CD300LF: variants seen among roughly 807,000 people sequenced by gnomAD.
CD300LF encodes the protein CD300 molecule like family member f.
A neutral mutation model predicts 32.2 loss-of-function variants in CD300LF; 27 were observed. That is an observed-to-expected ratio of 0.84 (90% CI 0.62 to 1.15). The LOEUF is 1.15. Ranked by LOEUF, CD300LF falls within the 50% of genes most tolerant of loss-of-function variation. The pLI, the probability that CD300LF is intolerant of heterozygous loss-of-function variation, is 0.00. For synonymous variants in CD300LF, 139 were observed against 143.2 expected (o/e 0.97, Z 0.21); for missense variants, 348 against 356.8 (o/e 0.98, Z 0.20).
chr17:74,705,366 G>T (rs1310249155), intron 1 of CD300LF: 2 of 652,658 alleles, frequency 3.1e-6, no homozygotes, highest in South Asian at 3.2e-5. Context: ...AACGGCAACT[G>T]GTCTCCATGT....
chr17:74,698,550 C>T, intron 3 of CD300LF, 69 bp from the exon 4 acceptor site: 1 of 1,543,774 alleles, frequency 6.5e-7, no homozygotes, highest in East Asian at 2.4e-5. Flanking sequence ...ATCCCACCCA[C>T]CCAGCAGCAG....
chr17:74,694,857 A>T lies in CD300LF; in HGVS notation c.*239T>A, dbSNP rs544445034. 3.6e-5 allele frequency: 15 copies of T among 417,390 alleles called. 1 individual carries two copies. In the South Asian group the frequency reaches 1.0e-3, roughly 28 times the overall value. The allele number at this position is 417,390 out of a possible 1,614,324, so 25.9% of individuals were successfully genotyped here. On this transcript the variant is annotated 3_prime_UTR_variant, in exon 7 of 7. Coordinates refer to ENST00000326165, the MANE Select transcript of CD300LF (RefSeq NM_139018.5). ...ATCATTCCCATGAAAGCCCCAGAGCATATCCCTAGCCCCCTCCTCAACTAT... is the reference window on the plus strand; with the variant it reads ...ATCATTCCCATGAAAGCCCCAGAGCTTATCCCTAGCCCCCTCCTCAACTAT...
At chr17:74,708,903 A>G (rs201403537) in intron 1 of CD300LF, among the ~76,000 whole-genome samples, 6 of 150,798 alleles carry the variant, frequency 4.0e-5, no homozygotes, top group East Asian at 1.9e-4. Context: ...GCGACAGAGC[A>G]AGACTCCGTC....
intron 3 of CD300LF, among the ~76,000 whole-genome samples, chr17:74,699,547 G>A (rs886461437): frequency 3.3e-5 from 5 of 152,094 alleles, no homozygotes; most frequent in South Asian, 2.1e-4. Flanking sequence ...GACAGAGACA[G>A]GGATCAGAGT....
At chr17:74,695,962 G>T in intron 5 of CD300LF, 103 bp from the exon 6 acceptor site, 1 of 1,395,744 alleles carries the variant, frequency 7.2e-7, no homozygotes, top group Non-Finnish European at 9.8e-7. Flanking sequence ...TTCCCCAGGT[G>T]CCCCTCTCCC....
At chr17:74,703,138 T>C in intron 2 of CD300LF, 40 bp from the exon 3 acceptor site, 1 of 1,612,562 alleles carries the variant, frequency 6.2e-7, no homozygotes, top group Non-Finnish European at 8.5e-7. Flanking sequence ...GGGGCAGGAG[T>C]CGACGCTGTA....
intron 4 of CD300LF, among the ~76,000 whole-genome samples, chr17:74,697,456 C>T (rs2032604635): frequency 6.6e-6 from 1 of 152,116 alleles, no homozygotes; most frequent in South Asian, 2.1e-4. Context: ...GGAGAAAAAG[C>T]GATGAATAAA....
At position 74,695,982 on chromosome 17, in the gene CD300LF, C is replaced by T. The variant is rs1327444425; in HGVS notation, c.583-123G>A. 1.1e-5 allele frequency: 15 copies of T among 1,314,294 alleles called. No homozygotes were observed. In the East Asian group the frequency reaches 2.6e-4, roughly 23 times the overall value. The allele number at this position is 1,314,294 out of a possible 1,614,324, so 81.4% of individuals were successfully genotyped here. ...CAGGTGCCCCTCTCCCATTTCCCTC[C>T]GTGTCCTCCACTTCTCAGGCTCCTG... is the stretch of plus-strand genomic sequence containing the variant. On this transcript the variant is annotated intron_variant, in intron 5 of 6. Coordinates refer to ENST00000326165, the MANE Select transcript of CD300LF (RefSeq NM_139018.5).
intron 3 of CD300LF, among the ~76,000 whole-genome samples, chr17:74,699,687 T>C (rs1329620275): frequency 6.6e-6 from 1 of 152,110 alleles, no homozygotes; most frequent in Admixed American, 6.6e-5. Context: ...TGATTTCCAA[T>C]TCCTGGCCTC....
chr17:74,703,122 G>A lies in CD300LF; in HGVS notation c.383-24C>T, dbSNP rs201147159. Reference sequence around the variant, plus strand: ...TGCTGTAAACGTAGTGGAGGTAGGCGTGGTGGGGGCAGGAGTCGACGCTGT... The same window carrying A: ...TGCTGTAAACGTAGTGGAGGTAGGCATGGTGGGGGCAGGAGTCGACGCTGT... On this transcript the variant is annotated intron_variant, in intron 2 of 6. Transcript: ENST00000326165. 81 of 1,613,784 alleles carry A rather than the reference G, an allele frequency of 5.0e-5. No individual in the cohort carries two copies. The East Asian group carries it at 1.3e-3, about 27-fold the overall frequency.
chr17:74,702,755 C>A (rs1430643007), intron 3 of CD300LF, among the ~76,000 whole-genome samples: 1 of 152,196 alleles, frequency 6.6e-6, no homozygotes, highest in Non-Finnish European at 1.5e-5. Flanking sequence ...CAGAGCTCAG[C>A]ACGGTGCAGC....
At chr17:74,700,213 A>G (rs1304679581) in intron 3 of CD300LF, among the ~76,000 whole-genome samples, 1 of 151,898 alleles carries the variant, frequency 6.6e-6, no homozygotes, top group Non-Finnish European at 1.5e-5. Flanking sequence ...AAATAAATAA[A>G]TCCCGTAACA....
intron 3 of CD300LF, 93 bp from the exon 4 acceptor site, chr17:74,698,574 A>G: frequency 6.6e-7 from 1 of 1,524,706 alleles, no homozygotes; most frequent in Non-Finnish European, 8.8e-7. Context: ...AGGGCCACAC[A>G]CCTGATGAGC....
chr17:74,696,078 G>A lies in CD300LF; in HGVS notation c.582+117C>T, dbSNP rs1463368179. 4 of 1,379,438 alleles carry A rather than the reference G, an allele frequency of 2.9e-6. No individual in the cohort carries two copies. The African/African-American group carries it at 5.8e-5, about 20-fold the overall frequency. 85.4% of individuals were successfully genotyped at this position (1,379,438 alleles called of 1,614,324 possible). On this transcript the variant is annotated intron_variant, in intron 5 of 6. Coordinates refer to ENST00000326165, the MANE Select transcript of CD300LF (RefSeq NM_139018.5). ...CCCAGGCCCTGCAGGGTGCCATGAG[G>A]ACAGGATACTTTGGCACAGGACTTC...
rs186676440 is a variant in CD300LF at position 74,704,770 on chromosome 17, G to A, written c.90C>T (p.Gly30=). ...GCACGGTCAAGGAGCCCCGCTCCAAGCCATTCACTGTTGTTGGACCGGTGA... is the reference window on the plus strand; with the variant it reads ...GCACGGTCAAGGAGCCCCGCTCCAAACCATTCACTGTTGTTGGACCGGTGA... ...TQITGPTTVN[G]LERGSLTVQC... Residue 30 remains glycine (G), a synonymous_variant, in exon 2 of 7, where the codon GGC becomes GGT. Transcript: ENST00000326165. 10 of 1,614,128 alleles carry A rather than the reference G, an allele frequency of 6.2e-6. No homozygotes were observed. In the East Asian group the frequency reaches 1.6e-4, roughly 25 times the overall value.
intron 4 of CD300LF, among the ~76,000 whole-genome samples, chr17:74,697,084 G>T (rs1274167529): frequency 6.6e-6 from 1 of 152,160 alleles, no homozygotes; most frequent in Non-Finnish European, 1.5e-5. Flanking sequence ...TGGAACTACA[G>T]ATGTGTGCCA....
rs746258564 is a variant in CD300LF, at chr17:74,695,264, C to A, written c.718-13G>T. ...TCGGCAAGGAAGCCTGCAGCAAAGG[C>A]GGGCTCCAGGTCAGAGAGGACGGCA... On this transcript the variant is annotated splice_polypyrimidine_tract_variant and intron_variant, in intron 6 of 6. Transcript: ENST00000326165. The A allele has an allele frequency of 6.2e-7, 1 of 1,613,366 alleles. No homozygotes were observed.
At chr17:74,707,541 C>A (rs994927091) in intron 1 of CD300LF, among the ~76,000 whole-genome samples, 2 of 151,994 alleles carry the variant, frequency 1.3e-5, no homozygotes, top group African/African-American at 4.8e-5. Context: ...ATGGTGAAAT[C>A]TTGTCTCTAC....
intron 2 of CD300LF, 33 bp downstream of exon 2, chr17:74,704,445 G>T: frequency 1.4e-6 from 2 of 1,470,426 alleles, no homozygotes; most frequent in Non-Finnish European, 9.4e-7. Context: ...AGCAGGCCCT[G>T]AGAGACACAC....
Sources: allele counts gnomAD v4.1 joint callset (sites outside exome capture counted in the v4.1 genomes callset), GRCh38; gene constraint gnomAD v4.1.1; transcripts MANE v1.5; gene names NCBI Gene and HGNC (gene_info 2026-07-23, HGNC 2026-07-21).